TOM1L1: variants seen among roughly 807,000 people sequenced by gnomAD.
TOM1L1 encodes the protein target of myb1 like 1 membrane trafficking protein, also known as TOM1-like protein 1.
A neutral mutation model predicts 63.4 loss-of-function variants in TOM1L1; 64 were observed. The ratio of observed to expected loss-of-function variants is 1.01; its 90% confidence interval spans 0.83 to 1.24. The LOEUF (loss-of-function observed/expected upper bound fraction) is 1.24, where lower values mean the gene tolerates loss of function less well. Among genes scored for constraint, TOM1L1 ranks in the 50% most tolerant of loss-of-function variants. TOM1L1 has a pLI of 0.00. For missense variants in TOM1L1, 536 were observed against 567.0 expected (o/e 0.95, Z 0.55); for synonymous variants, 166 against 194.4 (o/e 0.85, Z 1.22).
At chr17:54,945,741 GT>G (rs2049108350) in intron 11 of TOM1L1, among the ~76,000 whole-genome samples, 1 of 150,366 alleles carries the variant, frequency 6.7e-6, no homozygotes, top group Non-Finnish European at 1.5e-5. Context: ...TATATCTTGT[GT>G]TTTTGCTGAG....
Position 54,961,541 on chromosome 17 carries a change from T to C in TOM1L1, c.*308T>C, listed in dbSNP as rs2077125019. On this transcript the variant is annotated 3_prime_UTR_variant, in exon 16 of 16. Coordinates refer to ENST00000575882, the MANE Select transcript of TOM1L1 (RefSeq NM_005486.3). ...CAGTGTCATGTTTCACAGGCCTTCC[T>C]ACATTTAGAAATCGTCACACAGCTG... The C allele has an allele frequency of 1.5e-6, 2 of 1,378,170 alleles. No individual in the cohort carries two copies. Among genetic ancestry groups the C allele is most frequent in the Admixed American group, 3.2e-5 (1 of 30,968 alleles). The allele number at this position is 1,378,170 out of a possible 1,614,324, so 85.4% of individuals were successfully genotyped here. A position where few individuals can be genotyped will look rare whatever the true frequency, so the allele number is the denominator to read the frequency against.
intron 7 of TOM1L1, among the ~76,000 whole-genome samples, chr17:54,917,679 A>G (rs1314589160): frequency 2.6e-5 from 4 of 152,066 alleles, no homozygotes; most frequent in Non-Finnish European, 5.9e-5. Context: ...GTTCAGCTGG[A>G]TTGCTGATAG....
intron 13 of TOM1L1, 50 bp from the exon 14 acceptor site, chr17:54,949,995 T>C: frequency 7.2e-7 from 1 of 1,392,790 alleles, no homozygotes; most frequent in South Asian, 1.2e-5. Flanking sequence ...CAATTGCGTG[T>C]ACTCCTCAAA....
chr17:54,930,277 A>C, intron 8 of TOM1L1, 71 bp downstream of exon 8: 1 of 1,595,638 alleles, frequency 6.3e-7, no homozygotes, highest in Non-Finnish European at 8.6e-7. Flanking sequence ...CAGCATTCTT[A>C]TCAGAGTGCC....
intron 11 of TOM1L1, among the ~76,000 whole-genome samples, chr17:54,946,360 A>G (rs540891666): frequency 6.6e-5 from 10 of 152,294 alleles, no homozygotes; most frequent in African/African-American, 2.4e-4. Context: ...TTCTCCAGTC[A>G]TAAAGCTGGA....
intron 11 of TOM1L1, among the ~76,000 whole-genome samples, chr17:54,946,075 G>A (rs2049113402): frequency 1.3e-5 from 2 of 152,116 alleles, no homozygotes; most frequent in South Asian, 4.1e-4. Flanking sequence ...TTCTTCTATG[G>A]GCGGTGGCTC....
In TOM1L1 at chr17:54,936,656, A is replaced by G. The variant is rs1309310091; in HGVS notation, c.862A>G (p.Arg288Gly). The stretch of plus-strand genomic sequence containing the variant: ...TTTTGATCATTTAAACAGGTTTACT[A>G]GAAACCAACAAAGGATTTTGGAGCA... ...NAILGYERFT[R>G]NQQRILEQNK... The change falls in exon 9 of 16, where the codon AGA becomes GGA. Residue 288 changes from arginine (R) to glycine (G), a missense_variant. By Grantham distance (125) the Arg-to-Gly change is moderately radical. Coordinates refer to ENST00000575882, the MANE Select transcript of TOM1L1 (RefSeq NM_005486.3). 1 of 1,605,486 alleles carries G rather than the reference A, an allele frequency of 6.2e-7. No homozygotes were observed. Among genetic ancestry groups the G allele is most frequent in the Admixed American group, 1.7e-5 (1 of 57,246 alleles).
In TOM1L1 at chr17:54,913,883, C is replaced by A; in HGVS notation, c.498+10C>A. 6.2e-7 allele frequency: 1 copy of A among 1,601,612 alleles called. No homozygotes were observed. ...AACAGCAAGACAAGAGGTAGGAGGC[C>A]TTTCTTTGACCCATGGAGACTATAG... On this transcript the variant is annotated intron_variant, in intron 5 of 15. Coordinates refer to ENST00000575882, the MANE Select transcript of TOM1L1 (RefSeq NM_005486.3).
chr17:54,937,499 C>T, intron 10 of TOM1L1: 1 of 416,968 alleles, frequency 2.4e-6, no homozygotes, highest in East Asian at 4.6e-5. Context: ...AGTTGTTCAG[C>T]CCAATGGCCA....
At chr17:54,921,070 C>A (rs776373671) in intron 7 of TOM1L1, among the ~76,000 whole-genome samples, 1 of 152,102 alleles carries the variant, frequency 6.6e-6, no homozygotes, top group Non-Finnish European at 1.5e-5. Context: ...GGTTTTTGCT[C>A]CAGCTCCCCA....
rs1280749235 is a variant in TOM1L1 at position 54,930,066 on chromosome 17, T to G, written c.721-7T>G. ...GGAAGAAGAAATCTCTCTCCTTTCT[T>G]TGACAGAAACTCTATAAAACAGGTC... On this transcript the variant is annotated splice_region_variant and splice_polypyrimidine_tract_variant and intron_variant, in intron 7 of 15. Transcript: ENST00000575882. 2 of 1,613,908 alleles carry G rather than the reference T, an allele frequency of 1.2e-6. No individual in the cohort carries two copies. The highest frequency in any genetic ancestry group is 2.7e-5 in the African/African-American group (2 of 74,928).
At chr17:54,911,136 A>G (rs1044091451) in intron 3 of TOM1L1, among the ~76,000 whole-genome samples, 11 of 152,186 alleles carry the variant, frequency 7.2e-5, no homozygotes, top group African/African-American at 2.7e-4. Flanking sequence ...GCTTTATTGC[A>G]AATGTGTTTT....
At chr17:54,921,706 C>G (rs2958910) in intron 7 of TOM1L1, among the ~76,000 whole-genome samples, 147,918 of 152,258 alleles carry the variant, frequency 0.97, 72,060 homozygotes, top group Admixed American at 0.99. Flanking sequence ...ACTCCAGCCT[C>G]GGTAACAGAG....
intron 7 of TOM1L1, among the ~76,000 whole-genome samples, chr17:54,917,756 T>A (rs1471992945): frequency 6.6e-6 from 1 of 152,194 alleles, no homozygotes; most frequent in Non-Finnish European, 1.5e-5. Context: ...AGCTCACCCA[T>A]GCTGAAGGGA....
At chr17:54,906,321 T>A (rs2048408863) in intron 3 of TOM1L1, among the ~76,000 whole-genome samples, 1 of 151,924 alleles carries the variant, frequency 6.6e-6, no homozygotes, top group South Asian at 2.1e-4. Context: ...ATACAAAAAG[T>A]AGCAGGGCGT....
Position 54,939,019 on chromosome 17 carries a change from C to T in TOM1L1, c.1129C>T (p.Pro377Ser). 3 of 1,584,068 alleles carry T rather than the reference C, an allele frequency of 1.9e-6. No homozygotes were observed. The highest frequency in any genetic ancestry group is 1.1e-5 in the South Asian group (1 of 89,660). Reference protein sequence around the residue: ...LLALENTEIPPFAQRTSQNLT... With the variant: ...LLALENTEIPSFAQRTSQNLT... Reference sequence around the variant, plus strand: ...AGCCTTGGAGAATACAGAGATACCCCCGTAAGTATGTCAGTAACACTGCAG... The same window carrying T: ...AGCCTTGGAGAATACAGAGATACCCTCGTAAGTATGTCAGTAACACTGCAG... Residue 377 changes from proline to serine, a missense_variant and splice_region_variant, in exon 11 of 16, where the codon CCG becomes TCG. Transcript: ENST00000575882.
intron 1 of TOM1L1, among the ~76,000 whole-genome samples, chr17:54,903,036 T>G (rs1040537907): frequency 6.6e-6 from 1 of 152,204 alleles, no homozygotes; most frequent in Non-Finnish European, 1.5e-5. Flanking sequence ...CAAGTATTGG[T>G]TGAAGTTATA....
chr17:54,930,326 A>T (rs1390720600), intron 8 of TOM1L1, 120 bp downstream of exon 8: 3 of 1,417,612 alleles, frequency 2.1e-6, no homozygotes, highest in Non-Finnish European at 2.9e-6. Flanking sequence ...CATTCTCAAT[A>T]GGAAAGGTAT....
In TOM1L1 at chr17:54,938,819, TTTTTTC is replaced by T. The variant is rs1268483549; in HGVS notation, c.1034-93_1034-88del. On this transcript the variant is annotated intron_variant, in intron 10 of 15. Coordinates refer to ENST00000575882, the MANE Select transcript of TOM1L1 (RefSeq NM_005486.3). ...CTTTTATTTGGTGGGTTTTTCTTTT[TTTTTTC>T]TTTTTCTTTTTTCTTTTTTTTTGTT... 16 of 622,174 alleles carry T rather than the reference TTTTTTC, an allele frequency of 2.6e-5. No homozygotes were observed. The South Asian group carries it at 4.1e-4, about 16-fold the overall frequency. 38.5% of individuals were successfully genotyped at this position (622,174 alleles called of 1,614,324 possible). A position where few individuals can be genotyped will look rare whatever the true frequency, so the allele number is the denominator to read the frequency against.
Sources: allele counts gnomAD v4.1 joint callset (sites outside exome capture counted in the v4.1 genomes callset), GRCh38; gene constraint gnomAD v4.1.1; transcripts MANE v1.5; gene names NCBI Gene and HGNC (gene_info 2026-07-23, HGNC 2026-07-21).